MYO5B: variants seen among roughly 807,000 people sequenced by gnomAD.
MYO5B encodes the protein myosin VB, also known as unconventional myosin-Vb.
In MYO5B, 143 loss-of-function variants were observed where a neutral mutation model predicts 229.3. The observed-to-expected ratio is 0.62, with a 90% CI of 0.54 to 0.72. MYO5B has a LOEUF of 0.72. Among genes scored for constraint, MYO5B ranks in the 30% least tolerant of loss-of-function variants. MYO5B has a pLI of 0.00. For synonymous variants in MYO5B, 918 were observed against 885.2 expected, an observed-to-expected ratio of 1.04 and a Z score of -0.66; for missense variants, 2,321 against 2,331.0, an observed-to-expected ratio of 1.00 and a Z score of 0.09.
chr18:50,145,667 A>G (rs1446416689), intron 1 of MYO5B, among the ~76,000 whole-genome samples: 4 of 152,194 alleles, frequency 2.6e-5, no homozygotes, highest in Non-Finnish European at 5.9e-5. Context: ...GTATTCAACC[A>G]ACAACAAAAT....
intron 4 of MYO5B, among the ~76,000 whole-genome samples, chr18:50,003,255 A>C (rs1234429678): frequency 6.6e-6 from 1 of 152,194 alleles, no homozygotes; most frequent in East Asian, 1.9e-4. Context: ...GAGAAGACAA[A>C]ACCGAAAAAA....
chr18:50,002,603 G>A (rs1568066204), intron 4 of MYO5B, among the ~76,000 whole-genome samples: 1 of 152,166 alleles, frequency 6.6e-6, no homozygotes, highest in Non-Finnish European at 1.5e-5. Context: ...ACAAACGTTT[G>A]GATCGCAGTT....
intron 12 of MYO5B, among the ~76,000 whole-genome samples, chr18:49,956,772 C>G (rs1334415032): frequency 6.6e-6 from 1 of 152,146 alleles, no homozygotes; most frequent in Non-Finnish European, 1.5e-5. Context: ...TAGGCAGGTT[C>G]TGTCCCTCAG....
At chr18:50,139,261 GC>G (rs1294501034) in intron 1 of MYO5B, among the ~76,000 whole-genome samples, 1 of 152,156 alleles carries the variant, frequency 6.6e-6, no homozygotes, top group Non-Finnish European at 1.5e-5. Flanking sequence ...TCCCAACTTT[GC>G]AGCTGAGCAT....
At chr18:50,033,793 C>A (rs2026417084) in intron 4 of MYO5B, among the ~76,000 whole-genome samples, 1 of 152,116 alleles carries the variant, frequency 6.6e-6, no homozygotes, top group South Asian at 2.1e-4. Context: ...AATCTGCATT[C>A]ACCCTCAAGC....
Position 49,843,339 on chromosome 18 carries a change from G to C in MYO5B, c.4513C>G (p.Leu1505Val). ...TCCGCGTGCCGGATGCACATGTAGAGGATGTAGGCGGGGAGACAGGGCACT... is the reference window on the plus strand; with the variant it reads ...TCCGCGTGCCGGATGCACATGTAGACGATGTAGGCGGGGAGACAGGGCACT... Reference protein sequence around the residue: ...GTVPCLPAYILYMCIRHADYT... With the variant: ...GTVPCLPAYIVYMCIRHADYT... The change falls in exon 34 of 40, where the codon CTC (leucine) becomes GTC (valine). Residue 1505 changes from leucine (L) to valine (V), a missense_variant. Physicochemically the swap from Leu to Val is conservative, Grantham distance 32 (BLOSUM62 1). Around this residue, in one of 2 missense-constraint regions of MYO5B, gnomAD observed 2,113 missense variants for 2,044.7 expected, o/e 1.03. Transcript: ENST00000285039. 1 of 1,614,134 alleles carries C rather than the reference G, an allele frequency of 6.2e-7. No individual in the cohort carries two copies.
At chr18:49,976,548 A>T in intron 9 of MYO5B, among the ~76,000 whole-genome samples, 1 of 152,184 alleles carries the variant, frequency 6.6e-6, no homozygotes, top group Non-Finnish European at 1.5e-5. Context: ...TTTAAGAAGC[A>T]TTTTTGGAAT....
intron 27 of MYO5B, among the ~76,000 whole-genome samples, chr18:49,868,579 C>T (rs1568617887): frequency 6.6e-6 from 1 of 152,230 alleles, no homozygotes; most frequent in Non-Finnish European, 1.5e-5. Context: ...GTCTGCCCAG[C>T]CAGCTTCCAG....
At chr18:49,857,695 C>G (rs1472232696) in intron 29 of MYO5B, among the ~76,000 whole-genome samples, 1 of 152,240 alleles carries the variant, frequency 6.6e-6, no homozygotes, top group East Asian at 1.9e-4. Flanking sequence ...CATGCAAACT[C>G]TTTTGCTGTG....
At chr18:49,988,660 T>A (rs1424051930) in intron 7 of MYO5B, among the ~76,000 whole-genome samples, 2 of 152,182 alleles carry the variant, frequency 1.3e-5, no homozygotes, top group Non-Finnish European at 2.9e-5. Context: ...GAAAAAAATT[T>A]CACCTCCTGC....
chr18:49,834,990 G>T (rs1223169462), intron 39 of MYO5B, among the ~76,000 whole-genome samples: 5 of 152,178 alleles, frequency 3.3e-5, no homozygotes, highest in Non-Finnish European at 7.3e-5. Context: ...TTTCTTTAAA[G>T]AACATTTCTT....
At chr18:49,916,509 T>C (rs1598880684) in intron 17 of MYO5B, among the ~76,000 whole-genome samples, 1 of 152,176 alleles carries the variant, frequency 6.6e-6, no homozygotes, top group Non-Finnish European at 1.5e-5. Context: ...CTCCAAAGCT[T>C]CCAAAGACCG....
chr18:49,966,434 T>C (rs1303425317), intron 10 of MYO5B, among the ~76,000 whole-genome samples: 2 of 152,150 alleles, frequency 1.3e-5, no homozygotes, highest in East Asian at 3.9e-4. Context: ...TTGGGGCCCT[T>C]CCAGCCCAGA....
At position 49,845,072 on chromosome 18, in the gene MYO5B, T is replaced by C. The variant is rs192246281; in HGVS notation, c.4460-1680A>G. Among the ~76,000 whole-genome samples, 299 of 152,310 alleles carry C rather than the reference T, an allele frequency of 2.0e-3. 1 individual carries two copies. In the Middle Eastern group the frequency reaches 0.02, roughly 10 times the overall value. On this transcript the variant is annotated intron_variant, in intron 33 of 39. Transcript: ENST00000285039. ...GGCCACCTGAGCAAGGGTCATCTCA[T>C]GCTGATGGCAGGGTTTTCTCTGTAA...
intron 1 of MYO5B, chr18:50,097,699 T>C (rs574514779): frequency 3.6e-5 from 6 of 164,486 alleles, no homozygotes; most frequent in Non-Finnish European, 6.6e-5. Context: ...AGTCATCAAA[T>C]GACACAAGCC....
intron 1 of MYO5B, among the ~76,000 whole-genome samples, chr18:50,080,155 A>G (rs2031184124): frequency 1.3e-5 from 2 of 152,196 alleles, no homozygotes; most frequent in Non-Finnish European, 2.9e-5. Flanking sequence ...CAACCCATCA[A>G]CCAGTACCGC....
At chr18:50,132,510 T>C (rs1423931927) in intron 1 of MYO5B, among the ~76,000 whole-genome samples, 2 of 152,248 alleles carry the variant, frequency 1.3e-5, no homozygotes, top group Admixed American at 6.5e-5. Flanking sequence ...ACATTAACTC[T>C]TTCTAGGCCG....
intron 16 of MYO5B, among the ~76,000 whole-genome samples, chr18:49,931,829 C>G (rs1010866398): frequency 6.6e-6 from 1 of 152,158 alleles, no homozygotes; most frequent in Non-Finnish European, 1.5e-5. Flanking sequence ...GAGCGGACAC[C>G]CCTGTGCTTT....
intron 1 of MYO5B, among the ~76,000 whole-genome samples, chr18:50,060,944 T>C (rs991191322): frequency 3.3e-5 from 5 of 152,346 alleles, no homozygotes; most frequent in African/African-American, 9.6e-5. Context: ...TCCATGTGGC[T>C]GACTGGGTAA....
Sources: gnomAD v4.1 joint callset for allele counts (sites outside exome capture counted in the v4.1 genomes callset) on GRCh38, gnomAD v4.1.1 for gene constraint, gnomAD v4.1.1 regional missense constraint, MANE v1.5 for transcripts, NCBI Gene and HGNC (gene_info 2026-07-23, HGNC 2026-07-21) for gene names.